Variants in CSNK2A2IP observed in about 807,000 individuals in gnomAD.
CSNK2A2IP encodes the protein casein kinase 2 subunit alpha' interacting protein.
At chr3:88,422,038 A>G in the CSNK2A2IP span, among the ~76,000 whole-genome samples, 475 of 152,320 alleles carry the variant, frequency 3.1e-3, 4 homozygotes, top group Non-Finnish European at 6.0e-3. Context: ...ATCTTTTGCT[A>G]CATCTGAGAG....
chr3:88,386,091 T>A, the CSNK2A2IP span, among the ~76,000 whole-genome samples: 4,347 of 152,204 alleles, frequency 0.029, 219 homozygotes, highest in African/African-American at 0.098. Flanking sequence ...GTGAAATATT[T>A]TTGCAGTAAT....
At chr3:88,396,942 TAACA>T in the CSNK2A2IP span, among the ~76,000 whole-genome samples, 2 of 152,136 alleles carry the variant, frequency 1.3e-5, no homozygotes, top group Admixed American at 1.3e-4. Flanking sequence ...GAAAAAATAC[TAACA>T]GAGTTAGTGA....
chr3:88,431,188 T>A, the CSNK2A2IP span: 1 of 152,196 alleles, frequency 6.6e-6, no homozygotes, highest in Non-Finnish European at 1.5e-5. Context: ...ATATTAAGTT[T>A]GGGGCTGGTC....
chr3:88,405,707 G>T, the CSNK2A2IP span, among the ~76,000 whole-genome samples: 1 of 152,102 alleles, frequency 6.6e-6, no homozygotes, highest in Non-Finnish European at 1.5e-5. Flanking sequence ...ATTTGAGCAT[G>T]TCGTATATTT....
At chr3:88,453,170 C>A in the CSNK2A2IP span, among the ~76,000 whole-genome samples, 1 of 151,984 alleles carries the variant, frequency 6.6e-6, no homozygotes, top group Admixed American at 6.6e-5. Context: ...GAAGTTGGTT[C>A]CCAAAAGAGA....
chr3:88,393,195 T>C, the CSNK2A2IP span, among the ~76,000 whole-genome samples: 4 of 152,234 alleles, frequency 2.6e-5, no homozygotes, highest in Non-Finnish European at 5.9e-5. Flanking sequence ...ATAGTCATTA[T>C]GTGGAATATG....
the CSNK2A2IP span, among the ~76,000 whole-genome samples, chr3:88,392,100 G>C: frequency 2.4e-4 from 36 of 152,170 alleles, no homozygotes; most frequent in Admixed American, 5.2e-4. Flanking sequence ...CCAGGGAATA[G>C]CTAGGAACAT....
chr3:88,383,092 T>C, the CSNK2A2IP span, among the ~76,000 whole-genome samples: 1 of 147,236 alleles, frequency 6.8e-6, no homozygotes, highest in Non-Finnish European at 1.5e-5. Context: ...CTCTTCCCTC[T>C]ACTTATTTTT....
chr3:88,405,642 C>A, the CSNK2A2IP span, among the ~76,000 whole-genome samples: 1 of 152,128 alleles, frequency 6.6e-6, no homozygotes, highest in Admixed American at 6.6e-5. Context: ...TTTCTTTATA[C>A]CCTGCCCTAC....
the CSNK2A2IP span, among the ~76,000 whole-genome samples, chr3:88,392,976 C>T: frequency 1.5e-4 from 23 of 152,196 alleles, no homozygotes; most frequent in African/African-American, 5.5e-4. Flanking sequence ...CAACTGGAAT[C>T]TATCTGGAGA....
chr3:88,362,717 A>G, the CSNK2A2IP span, among the ~76,000 whole-genome samples: 6 of 152,310 alleles, frequency 3.9e-5, no homozygotes, highest in South Asian at 1.0e-3. Context: ...AAGGTGGCAG[A>G]TTCCCTTTCA....
chr3:88,372,688 A>C, the CSNK2A2IP span, among the ~76,000 whole-genome samples: 7 of 151,446 alleles, frequency 4.6e-5, no homozygotes, highest in Non-Finnish European at 8.9e-5. Flanking sequence ...CACAATAGAT[A>C]AAAAAAGCAA....
chr3:88,423,725 C>T, the CSNK2A2IP span, among the ~76,000 whole-genome samples: 29 of 151,972 alleles, frequency 1.9e-4, no homozygotes, highest in Admixed American at 1.6e-3. Flanking sequence ...TTTCAAGTGC[C>T]GATTTAAAAA....
the CSNK2A2IP span, among the ~76,000 whole-genome samples, chr3:88,442,526 TATA>T: frequency 1.3e-5 from 2 of 152,174 alleles, no homozygotes; most frequent in African/African-American, 2.4e-5. Flanking sequence ...GTAGTTGTTT[TATA>T]ATAATAAGAA....
chr3:88,443,006 T>C, the CSNK2A2IP span, among the ~76,000 whole-genome samples: 1 of 152,148 alleles, frequency 6.6e-6, no homozygotes, highest in African/African-American at 2.4e-5. Flanking sequence ...GTGTTAAAAT[T>C]GAAATAAAAA....
chr3:88,423,846 T>A, the CSNK2A2IP span, among the ~76,000 whole-genome samples: 1 of 152,190 alleles, frequency 6.6e-6, no homozygotes, highest in Admixed American at 6.6e-5. Flanking sequence ...CTGACCAGCA[T>A]CTTGGTGAAG....
At chr3:88,399,641 G>A in the CSNK2A2IP span, 2 of 152,214 alleles carry the variant, frequency 1.3e-5, no homozygotes, top group Non-Finnish European at 2.9e-5. Context: ...ACAGGCCTGA[G>A]ACTGGAGTAC....
the CSNK2A2IP span, among the ~76,000 whole-genome samples, chr3:88,371,642 A>G: frequency 8.6e-5 from 13 of 151,932 alleles, no homozygotes; most frequent in South Asian, 1.7e-3. Flanking sequence ...ATATTTCCAG[A>G]GATGATGGCA....
At chr3:88,431,581 C>T in the CSNK2A2IP span, among the ~76,000 whole-genome samples, 2 of 152,088 alleles carry the variant, frequency 1.3e-5, no homozygotes, top group East Asian at 3.9e-4. Context: ...AACCAAACTT[C>T]ACCTGTTCCC....
Sources: gnomAD v4.1 joint callset for allele counts (sites outside exome capture counted in the v4.1 genomes callset) on GRCh38, gnomAD v4.1.1 for gene constraint, MANE v1.5 for transcripts, NCBI Gene and HGNC (gene_info 2026-07-23, HGNC 2026-07-21) for gene names.